The following NPRL3 variants were observed in gnomAD, a reference collection of about 807,000 sequenced individuals.
NPRL3 encodes the protein NPR3 like, GATOR1 complex subunit.
In NPRL3, 23 loss-of-function variants were observed where a neutral mutation model predicts 57.2. The observed-to-expected ratio is 0.40, with a 90% CI of 0.29 to 0.57. NPRL3 has a LOEUF of 0.57. Among genes scored for constraint, NPRL3 ranks in the 20% least tolerant of loss-of-function variants. NPRL3 has a pLI of 0.42. For synonymous variants in NPRL3, 333 were observed against 321.1 expected, an observed-to-expected ratio of 1.04 and a Z score of -0.39; for missense variants, 691 against 767.1, an observed-to-expected ratio of 0.90 and a Z score of 1.17.
Position 89,897 on chromosome 16 carries a change from C to G in NPRL3, c.1167G>C (p.Gln389His), listed in dbSNP as rs1212141280. The G allele has an allele frequency of 1.9e-6, 3 of 1,548,198 alleles. No individual in the cohort carries two copies. Among genetic ancestry groups the G allele is most frequent in the East Asian group, 4.9e-5 (2 of 40,528 alleles). Residue 389 changes from glutamine (Q) to histidine (H), a missense_variant, in exon 12 of 14, where the codon CAG (glutamine) becomes CAC (histidine). Physicochemically the swap from Gln to His is conservative, Grantham distance 24. Transcript: ENST00000611875. The stretch of plus-strand genomic sequence containing the variant: ...GCATCCACACCACCATCTGGATGAG[C>G]TGGGTCTGCGGGTGGCAGCAGGTGA... ...NPLAPAVQET[Q>H]LIQMVVWMLQ...
intron 7 of NPRL3, among the ~76,000 whole-genome samples, chr16:102,956 A>G (rs1899362481): frequency 6.6e-6 from 1 of 152,108 alleles, no homozygotes; most frequent in Non-Finnish European, 1.5e-5. Flanking sequence ...CCCAGCCGCT[A>G]AGGAATTAAA....
At position 97,740 on chromosome 16, in the gene NPRL3, GC is replaced by G. The variant is rs575523317; in HGVS notation, c.924+404del. Among the ~76,000 whole-genome samples, 250 of 149,756 alleles carry G rather than the reference GC, an allele frequency of 1.7e-3. 1 individual carries two copies. Among genetic ancestry groups the G allele is most frequent in the African/African-American group, 6.2e-3 (241 of 39,146 alleles). On this transcript the variant is annotated intron_variant, in intron 9 of 13. Coordinates refer to ENST00000611875, the MANE Select transcript of NPRL3 (RefSeq NM_001077350.3). ...AGGTCTCTGTTCTGCACATGGGAGG[GC>G]CCCGCATCCAAGCTTCCTGCCCTTA...
chr16:130,536 C>G lies in NPRL3; in HGVS notation c.174G>C (p.Gln58His). 2 of 1,553,148 alleles carry G rather than the reference C, an allele frequency of 1.3e-6. No homozygotes were observed. Among genetic ancestry groups the G allele is most frequent in the Admixed American group, 1.9e-5 (1 of 51,338 alleles). ...ASNTGDHADE[Q>H]DGDSRFSDVI... is the part of the protein sequence containing the mutation. Reference sequence around the variant, plus strand: ...AGAGCCTTTACCTGGAATCGCCGTCCTGCTCATCAGCATGGTCGCCCGTGT... The same window carrying G: ...AGAGCCTTTACCTGGAATCGCCGTCGTGCTCATCAGCATGGTCGCCCGTGT... The change falls in exon 3 of 14, where the codon CAG becomes CAC. Residue 58 changes from glutamine to histidine, a missense_variant. Transcript: ENST00000611875.
chr16:93,424 GA>G, intron 9 of NPRL3, 99 bp from the exon 10 acceptor site: 1 of 761,916 alleles, frequency 1.3e-6, no homozygotes, highest in Non-Finnish European at 2.3e-6. Context: ...TACCAGCCTG[GA>G]GAAGCTGGCC....
In NPRL3 at chr16:117,307, T is replaced by C. The variant is rs1248131165; in HGVS notation, c.387A>G (p.Ala129=). 3 of 1,608,962 alleles carry C rather than the reference T, an allele frequency of 1.9e-6. No homozygotes were observed. The highest frequency in any genetic ancestry group is 2.2e-5 in the East Asian group (1 of 44,852). ...PTMILFNVVF[A]LRANADPSVI... is the part of the protein sequence containing the mutation. ...CATTTATATAAACACTCACCCTCAG[T>C]GCAAACACCACATTAAAAAGAATCA... The change falls in exon 5 of 14, where the codon GCA becomes GCG. Residue 129 remains alanine, a synonymous_variant. Coordinates refer to ENST00000611875, the MANE Select transcript of NPRL3 (RefSeq NM_001077350.3).
intron 2 of NPRL3, among the ~76,000 whole-genome samples, chr16:136,137 T>G (rs960753594): frequency 6.6e-6 from 1 of 152,244 alleles, no homozygotes; most frequent in Admixed American, 6.5e-5. Context: ...ACAAGAATTC[T>G]GCAAAATGAC....
chr16:85,943 C>T lies in NPRL3; in HGVS notation c.*762G>A. 1.2e-6 allele frequency: 1 copy of T among 815,040 alleles called. No individual in the cohort carries two copies. The highest frequency in any genetic ancestry group is 3.8e-5 in the Admixed American group (1 of 26,604). 50.5% of individuals were successfully genotyped at this position (815,040 alleles called of 1,614,324 possible). A position where few individuals can be genotyped will look rare whatever the true frequency, so the allele number is the denominator to read the frequency against. On this transcript the variant is annotated 3_prime_UTR_variant, in exon 14 of 14. Coordinates refer to ENST00000611875, the MANE Select transcript of NPRL3 (RefSeq NM_001077350.3). ...AGCTGGGGGCCTGAGTACGTAGCGC[C>T]AGGCCCGGTGTGGATGCTGGGGAGA...
intron 6 of NPRL3, among the ~76,000 whole-genome samples, chr16:111,621 T>C (rs900265051): frequency 2.6e-5 from 4 of 151,648 alleles, no homozygotes; most frequent in East Asian, 2.0e-4. Flanking sequence ...GGCTAATTTT[T>C]GGGTTTTTTT....
intron 5 of NPRL3, among the ~76,000 whole-genome samples, chr16:115,913 C>T (rs1182243461): frequency 1.3e-5 from 2 of 152,214 alleles, no homozygotes; most frequent in African/African-American, 4.8e-5. Flanking sequence ...TAATCACTCC[C>T]CAACTACTAC....
rs1431736447 is a variant in NPRL3 at position 110,947 on chromosome 16, TAAA to T, written c.548-344_548-342del. Among the ~76,000 whole-genome samples the T allele has an allele frequency of 2.0e-5, 3 of 152,158 alleles. No homozygotes were observed. The South Asian group carries it at 6.2e-4, about 32-fold the overall frequency. On this transcript the variant is annotated intron_variant, in intron 6 of 13. Coordinates refer to ENST00000611875, the MANE Select transcript of NPRL3 (RefSeq NM_001077350.3). ...TTATTCATCCTTTTTCATAAATTTC[TAAA>T]AATATATACATAGACTTAAAATAAA... is the stretch of plus-strand genomic sequence containing the variant.
At position 86,819 on chromosome 16, in the gene NPRL3, G is replaced by T. The variant is rs763597112; in HGVS notation, c.1596C>A (p.Asn532Lys). 8 of 1,613,390 alleles carry T rather than the reference G, an allele frequency of 5.0e-6. No homozygotes were observed. The highest frequency in any genetic ancestry group is 5.9e-6 in the Non-Finnish European group (7 of 1,179,738). ...GRHHLEEIMY[N>K]ENTRRSQLLM... ...GCAGCTGGGAGCGCCGCGTGTTCTC[G>T]TTGTACATAATCTCCTCCAGGTGGT... Residue 532 changes from asparagine (N) to lysine (K), a missense_variant, in exon 14 of 14, where the codon AAC becomes AAA. By Grantham distance (94) the Asn-to-Lys change is moderately conservative (BLOSUM62 0). Coordinates refer to ENST00000611875, the MANE Select transcript of NPRL3 (RefSeq NM_001077350.3).
intron 3 of NPRL3, chr16:126,314 G>C (rs1475323063): frequency 1.3e-5 from 2 of 151,702 alleles, no homozygotes; most frequent in African/African-American, 4.8e-5. Context: ...CCAGCACTTT[G>C]GGAGGCTGAG....
At chr16:99,959 C>CAAAAAAAAAAAAAAAAAAA (rs11304941) in intron 8 of NPRL3, among the ~76,000 whole-genome samples, 10 of 61,006 alleles carry the variant, frequency 1.6e-4, no homozygotes, top group Non-Finnish European at 3.0e-4. Context: ...CACACCCCCG[C>CAAAAAAAAAAAAAAAAAAA]AAAAAAAAAA....
intron 7 of NPRL3, among the ~76,000 whole-genome samples, chr16:104,534 C>T (rs964425369): frequency 2.6e-5 from 4 of 152,178 alleles, no homozygotes; most frequent in Non-Finnish European, 5.9e-5. Flanking sequence ...GTCAGCTGTC[C>T]TTGGAGCCGC....
At chr16:123,184 G>A (rs2974759) in intron 3 of NPRL3, among the ~76,000 whole-genome samples, 135,650 of 152,116 alleles carry the variant, frequency 0.89, 60,628 homozygotes, top group African/African-American at 0.94. Context: ...CTGCTTGCCC[G>A]CCACCCTCAC....
intron 8 of NPRL3, 147 bp from the exon 9 acceptor site, chr16:98,448 A>C: frequency 1.2e-6 from 1 of 845,876 alleles, no homozygotes; most frequent in Non-Finnish European, 1.8e-6. Context: ...TGCACCTGGG[A>C]CTCAAACACA....
intron 13 of NPRL3, 116 bp downstream of exon 13, chr16:88,582 G>A (rs559070000): frequency 1.4e-5 from 13 of 953,080 alleles, no homozygotes; most frequent in South Asian, 8.2e-5. Context: ...ACTCCATCTC[G>A]AACAGGGCCC....
At chr16:120,887 T>A (rs960971361) in intron 3 of NPRL3, among the ~76,000 whole-genome samples, 2 of 152,138 alleles carry the variant, frequency 1.3e-5, no homozygotes, top group Non-Finnish European at 2.9e-5. Context: ...GAAGGAGGGT[T>A]TGAGGTATTA....
chr16:121,580 A>G (rs980112121), intron 3 of NPRL3, among the ~76,000 whole-genome samples: 8 of 151,148 alleles, frequency 5.3e-5, no homozygotes, highest in African/African-American at 1.7e-4. Context: ...AGATCGTGCC[A>G]CTGCACTCCA....
Sources: gnomAD v4.1 joint callset for allele counts (sites outside exome capture counted in the v4.1 genomes callset) on GRCh38, gnomAD v4.1.1 for gene constraint, MANE v1.5 for transcripts, NCBI Gene and HGNC (gene_info 2026-07-23, HGNC 2026-07-21) for gene names.